The following RNASEH1 variants were observed in gnomAD, a reference collection of about 807,000 sequenced individuals.
RNASEH1 encodes the protein ribonuclease H type II.
RNASEH1 carries 27 observed loss-of-function variants against 34.6 expected under a neutral mutation model. The ratio of observed to expected loss-of-function variants is 0.78; its 90% confidence interval spans 0.58 to 1.08. RNASEH1 has a LOEUF of 1.08. RNASEH1 is among the 50% of genes least tolerant of loss of function. RNASEH1 has a pLI of 0.00. For missense variants in RNASEH1, 349 were observed against 373.6 expected, an observed-to-expected ratio of 0.93 and a Z score of 0.54; for synonymous variants, 162 against 138.4, an observed-to-expected ratio of 1.17 and a Z score of -1.20.
intron 3 of RNASEH1, among the ~76,000 whole-genome samples, chr2:3,551,098 C>T (rs894104612): frequency 6.6e-6 from 1 of 152,182 alleles, no homozygotes; most frequent in African/African-American, 2.4e-5. Context: ...TCAGGTTGCA[C>T]AGTGTTAAAA....
At chr2:3,557,430 C>G (rs1660621253) in intron 1 of RNASEH1, among the ~76,000 whole-genome samples, 1 of 152,136 alleles carries the variant, frequency 6.6e-6, no homozygotes, top group Non-Finnish European at 1.5e-5. Flanking sequence ...ATACTGCGGT[C>G]TTTGAAAAAA....
the RNASEH1 span, among the ~76,000 whole-genome samples, chr2:3,532,649 A>T: frequency 7.9e-5 from 12 of 152,304 alleles, no homozygotes; most frequent in African/African-American, 2.9e-4. Context: ...GTATCTAAGC[A>T]TAGGAAAGTT....
chr2:3,532,194 A>AGCACC, the RNASEH1 span: 168 of 696,112 alleles, frequency 2.4e-4, 1 homozygote, highest in South Asian at 1.5e-3. Context: ...TCCGGGTGTC[A>AGCACC]GCACCTGGTC....
chr2:3,551,144 C>T (rs1421613799), intron 3 of RNASEH1, among the ~76,000 whole-genome samples: 1 of 152,216 alleles, frequency 6.6e-6, no homozygotes, highest in Non-Finnish European at 1.5e-5. Context: ...GTGGTACGCG[C>T]AGGAAGTGGA....
chr2:3,539,639 C>T (rs1265148241), downstream of RNASEH1, among the ~76,000 whole-genome samples: 1 of 152,146 alleles, frequency 6.6e-6, no homozygotes, highest in Non-Finnish European at 1.5e-5. Flanking sequence ...CCACGACCAC[C>T]ACGATCATTG....
chr2:3,555,137 G>A (rs1304936624), intron 2 of RNASEH1, among the ~76,000 whole-genome samples: 1 of 152,122 alleles, frequency 6.6e-6, no homozygotes, highest in Admixed American at 6.6e-5. Flanking sequence ...AATCCCCTTG[G>A]ACCCTCGCTG....
the RNASEH1 span, among the ~76,000 whole-genome samples, chr2:3,535,490 T>G: frequency 1.3e-5 from 2 of 151,914 alleles, no homozygotes; most frequent in Non-Finnish European, 2.9e-5. Context: ...TACCATAATT[T>G]TAGAAATCAA....
the RNASEH1 span, among the ~76,000 whole-genome samples, chr2:3,535,343 C>A: frequency 6.7e-6 from 1 of 150,150 alleles, no homozygotes; most frequent in East Asian, 1.9e-4. Flanking sequence ...AAGAGAATCA[C>A]TTGAACCCAG....
chr2:3,558,314 A>T lies in RNASEH1; in HGVS notation c.-54T>A. 6.8e-7 allele frequency: 1 copy of T among 1,472,016 alleles called. No individual in the cohort carries two copies. The highest frequency in any genetic ancestry group is 9.0e-7 in the Non-Finnish European group (1 of 1,114,564). The allele number at this position is 1,472,016 out of a possible 1,614,324, so 91.2% of individuals were successfully genotyped here. A position where few individuals can be genotyped will look rare whatever the true frequency, so the allele number is the denominator to read the frequency against. ...CGACTCCCGGCCCAGCGTGGGCGCG[A>T]GCCGCCGGCGCTCAACACCGCACTT... On this transcript the variant is annotated 5_prime_UTR_variant, in exon 1 of 8. Transcript: ENST00000315212.
chr2:3,546,778 T>TA (rs1668795265), intron 7 of RNASEH1, among the ~76,000 whole-genome samples: 2 of 152,116 alleles, frequency 1.3e-5, no homozygotes, highest in South Asian at 4.1e-4. Flanking sequence ...CTCAAAACAA[T>TA]AAAAAAAAGT....
intron 3 of RNASEH1, 102 bp from the exon 4 acceptor site, chr2:3,550,574 T>C: frequency 1.1e-6 from 1 of 874,658 alleles, no homozygotes; most frequent in Non-Finnish European, 1.9e-6. Context: ...ACCGAGAGGG[T>C]ATTTTACAAC....
At chr2:3,539,248 A>C (rs972854871), downstream of RNASEH1, among the ~76,000 whole-genome samples, 1 of 152,120 alleles carries the variant, frequency 6.6e-6, no homozygotes, top group Non-Finnish European at 1.5e-5. Context: ...AATATACACG[A>C]ATCTGTGCAT....
At position 3,544,997 on chromosome 2, in the gene RNASEH1, A is replaced by G. The variant is rs1251387269; in HGVS notation, c.*788T>C. 1 of 149,614 alleles carries G rather than the reference A, an allele frequency of 6.7e-6. No individual in the cohort carries two copies. The highest frequency in any genetic ancestry group is 1.5e-5 in the Non-Finnish European group (1 of 67,598). The allele number at this position is 149,614 out of a possible 1,614,324, so 9.3% of individuals were successfully genotyped here. ...GTCATGTTGGCCAAGCTGGTCTCAA[A>G]CTCCTGACCTCAAGTGATCTGCCCG... is the stretch of plus-strand genomic sequence containing the variant. On this transcript the variant is annotated 3_prime_UTR_variant, in exon 8 of 8. Transcript: ENST00000315212.
chr2:3,542,094 G>C lies in RNASEH1; in HGVS notation c.*3691C>G, dbSNP rs1478553171. 6.6e-6 allele frequency among the ~76,000 whole-genome samples: 1 copy of C among 152,168 alleles called. No homozygotes were observed. Among genetic ancestry groups the C allele is most frequent in the Non-Finnish European group, 1.5e-5 (1 of 68,026 alleles). On this transcript the variant is annotated 3_prime_UTR_variant, in exon 8 of 8. Transcript: ENST00000315212. ...GATTCAAGAGACAGTGGCAAACACT[G>C]AGAACAGCCAATTTAGATTTCAACA... is the stretch of plus-strand genomic sequence containing the variant.
At chr2:3,537,068 G>T (rs1668025285), downstream of RNASEH1, among the ~76,000 whole-genome samples, 1 of 152,238 alleles carries the variant, frequency 6.6e-6, no homozygotes, top group Non-Finnish European at 1.5e-5. Flanking sequence ...GGTTTGACAT[G>T]AATTTTGGGG....
chr2:3,538,872 G>C (rs898173803), downstream of RNASEH1, among the ~76,000 whole-genome samples: 7 of 152,200 alleles, frequency 4.6e-5, no homozygotes, highest in Admixed American at 1.3e-4. Flanking sequence ...CACGTTTCCA[G>C]GCAGCCTCAG....
chr2:3,537,677 C>A (rs899175512), downstream of RNASEH1, among the ~76,000 whole-genome samples: 2 of 151,552 alleles, frequency 1.3e-5, no homozygotes, highest in Non-Finnish European at 1.5e-5. Context: ...GCTTTGACAG[C>A]GCCACTGTAC....
chr2:3,532,786 C>T, the RNASEH1 span, among the ~76,000 whole-genome samples: 1 of 152,140 alleles, frequency 6.6e-6, no homozygotes, highest in East Asian at 1.9e-4. Flanking sequence ...TCACTGAGGC[C>T]CAAAGAGATG....
intron 2 of RNASEH1, among the ~76,000 whole-genome samples, chr2:3,555,466 C>T (rs565927765): frequency 3.0e-4 from 45 of 152,298 alleles, no homozygotes; most frequent in African/African-American, 9.6e-4. Flanking sequence ...AGCAGATGCA[C>T]TGAGTGAGGG....
Sources: gnomAD v4.1 joint callset for allele counts (sites outside exome capture counted in the v4.1 genomes callset) on GRCh38, gnomAD v4.1.1 for gene constraint, MANE v1.5 for transcripts, NCBI Gene and HGNC (gene_info 2026-07-23, HGNC 2026-07-21) for gene names.